Variants in ANO4 observed in about 807,000 individuals in gnomAD.
ANO4 encodes anoctamin-4.
Under a neutral mutation model 141.9 loss-of-function variants are expected in ANO4, and 69 were observed. The ratio of observed to expected loss-of-function variants is 0.49; its 90% confidence interval spans 0.40 to 0.59. ANO4 has a LOEUF of 0.59. Ranked by LOEUF, ANO4 falls within the 20% of genes least tolerant of loss-of-function variation. The probability of loss-of-function intolerance (pLI) is 0.00; values close to 1 mark genes in which losing one functional copy is unlikely to be tolerated. For missense variants in ANO4, 894 were observed against 1,162.2 expected (o/e 0.77, Z 3.36); for synonymous variants, 350 against 394.3 (o/e 0.89, Z 1.33).
exon 3 of ANO4, chr12:100,739,867 G>C (rs143563629): frequency 2.8e-6 from 2 of 702,356 alleles, no homozygotes; most frequent in Admixed American, 2.0e-5. Flanking sequence ...ATGACGTTGC[G>C]GGGCCTGTGG....
intron 7 of ANO4, among the ~76,000 whole-genome samples, chr12:100,975,977 C>T (rs1048133668): frequency 2.8e-5 from 4 of 144,340 alleles, no homozygotes; most frequent in Non-Finnish European, 6.0e-5. Context: ...AAGATTGCAT[C>T]TACTATACTT....
intron 2 of ANO4, among the ~76,000 whole-genome samples, chr12:100,917,748 T>C (rs1451898432): frequency 1.3e-5 from 2 of 152,212 alleles, no homozygotes; most frequent in Admixed American, 1.3e-4. Context: ...GAGTATTCTG[T>C]ATTTCTTCTA....
chr12:100,812,605 G>A (rs180874241), intron 1 of ANO4, among the ~76,000 whole-genome samples: 92 of 152,230 alleles, frequency 6.0e-4, no homozygotes, highest in African/African-American at 2.1e-3. Context: ...ATGTCAGAAT[G>A]ACTTACATGT....
At chr12:100,825,412 G>A (rs1333439329) in intron 1 of ANO4, among the ~76,000 whole-genome samples, 2 of 151,992 alleles carry the variant, frequency 1.3e-5, no homozygotes, top group African/African-American at 4.8e-5. Flanking sequence ...TATGTAAGGT[G>A]AGACTAAGAA....
intron 3 of ANO4, among the ~76,000 whole-genome samples, chr12:100,769,333 G>T (rs1411543432): frequency 6.6e-6 from 1 of 152,270 alleles, no homozygotes; most frequent in African/African-American, 2.4e-5. Flanking sequence ...AATGCAGAAA[G>T]GTAAATAGGA....
chr12:101,108,774 C>T (rs1388294963), intron 22 of ANO4, among the ~76,000 whole-genome samples: 1 of 151,996 alleles, frequency 6.6e-6, no homozygotes, highest in African/African-American at 2.4e-5. Flanking sequence ...TCAGAAACCA[C>T]CTCCTTTTGA....
chr12:101,021,679 G>A (rs2046535025), intron 9 of ANO4, among the ~76,000 whole-genome samples: 2 of 152,090 alleles, frequency 1.3e-5, no homozygotes, highest in South Asian at 4.1e-4. Flanking sequence ...TAATAATTTT[G>A]CGTTGACCAT....
At chr12:100,787,178 G>A (rs569175894) in intron 3 of ANO4, among the ~76,000 whole-genome samples, 24 of 152,220 alleles carry the variant, frequency 1.6e-4, no homozygotes, top group Admixed American at 8.5e-4. Flanking sequence ...CTGTGTGATC[G>A]GTGCCAAAAC....
intron 7 of ANO4, 118 bp from the exon 8 acceptor site, chr12:100,987,421 A>G (rs113670461): frequency 8.0e-7 from 1 of 1,251,456 alleles, no homozygotes; most frequent in Non-Finnish European, 1.1e-6. Context: ...TCCTGAGTGC[A>G]GTGAGAGGGC....
intron 22 of ANO4, among the ~76,000 whole-genome samples, chr12:101,104,671 A>G (rs2050369229): frequency 3.4e-5 from 2 of 59,120 alleles, no homozygotes; most frequent in Admixed American, 1.9e-4. Flanking sequence ...ATATATATAT[A>G]AATAAAAAGA....
At chr12:101,099,030 T>C (rs2050092185) in intron 21 of ANO4, among the ~76,000 whole-genome samples, 1 of 152,152 alleles carries the variant, frequency 6.6e-6, no homozygotes. Context: ...ACCTTACCAA[T>C]GCCGGGTGCA....
intron 14 of ANO4, among the ~76,000 whole-genome samples, chr12:101,064,078 C>T (rs918413217): frequency 6.6e-6 from 1 of 151,732 alleles, no homozygotes; most frequent in African/African-American, 2.4e-5. Context: ...CATTTAATTG[C>T]TCCTTTTTCT....
At chr12:100,800,887 G>C (rs116937350) in intron 1 of ANO4, among the ~76,000 whole-genome samples, 2 of 152,182 alleles carry the variant, frequency 1.3e-5, no homozygotes, top group East Asian at 3.8e-4. Flanking sequence ...GAAATTTACA[G>C]TGCTCTCACT....
intron 3 of ANO4, among the ~76,000 whole-genome samples, chr12:100,755,952 G>A (rs2032589768): frequency 6.6e-6 from 1 of 152,188 alleles, no homozygotes; most frequent in South Asian, 2.1e-4. Flanking sequence ...GACATAGTTT[G>A]CAAAGAGATT....
chr12:100,717,603 G>A, intron 1 of ANO4: 1 of 399,538 alleles, frequency 2.5e-6, no homozygotes, highest in Middle Eastern at 3.7e-4. Flanking sequence ...AGGGGCCCAG[G>A]GAGCCGTCGA....
intron 3 of ANO4, among the ~76,000 whole-genome samples, chr12:100,769,466 A>C (rs949737860): frequency 6.6e-6 from 1 of 152,158 alleles, no homozygotes; most frequent in Non-Finnish European, 1.5e-5. Context: ...TCTTGCCTCT[A>C]CCCTTACCAG....
At chr12:100,718,608 T>C (rs2030719566) in intron 1 of ANO4, among the ~76,000 whole-genome samples, 1 of 152,208 alleles carries the variant, frequency 6.6e-6, no homozygotes, top group Non-Finnish European at 1.5e-5. Flanking sequence ...ATTTAAATTG[T>C]TTAAAATGAT....
intron 1 of ANO4, among the ~76,000 whole-genome samples, chr12:100,731,718 C>T (rs1433921275): frequency 2.6e-5 from 4 of 152,190 alleles, no homozygotes; most frequent in Non-Finnish European, 5.9e-5. Flanking sequence ...TTGCCTTTTC[C>T]AGAATGTCAC....
At chr12:100,936,136 G>T (rs568497988) in intron 3 of ANO4, among the ~76,000 whole-genome samples, 1 of 152,158 alleles carries the variant, frequency 6.6e-6, no homozygotes, top group Non-Finnish European at 1.5e-5. Flanking sequence ...AGCTCAAGTG[G>T]CAGTAGCCCC....
Sources: gnomAD v4.1 joint callset for allele counts (sites outside exome capture counted in the v4.1 genomes callset) on GRCh38, gnomAD v4.1.1 for gene constraint, MANE v1.5 for transcripts, NCBI Gene and HGNC (gene_info 2026-07-23, HGNC 2026-07-21) for gene names.